The following LDLRAD1 variants were observed in gnomAD, a reference collection of about 807,000 sequenced individuals.
The protein encoded by LDLRAD1 is low-density lipoprotein receptor class A domain-containing protein 1.
LDLRAD1 carries 17 observed loss-of-function variants against 24.8 expected under a neutral mutation model. The observed-to-expected ratio is 0.69, with a 90% CI of 0.47 to 1.03. LDLRAD1 has a LOEUF of 1.03. LDLRAD1 is among the 50% of genes least tolerant of loss of function. The probability of loss-of-function intolerance (pLI) is 0.00; values close to 1 mark genes in which losing one functional copy is unlikely to be tolerated. For synonymous variants in LDLRAD1, 103 were observed against 108.2 expected, an observed-to-expected ratio of 0.95 and a Z score of 0.30; for missense variants, 277 against 271.0, an observed-to-expected ratio of 1.02 and a Z score of -0.16.
intron 4 of LDLRAD1, among the ~76,000 whole-genome samples, chr1:54,011,162 G>A (rs1656033597): frequency 6.6e-6 from 1 of 152,174 alleles, no homozygotes; most frequent in African/African-American, 2.4e-5. Flanking sequence ...TGGAGAAGGG[G>A]ATGTGGCGTA....
At chr1:54,009,459 C>T (rs1655958450) in intron 5 of LDLRAD1, among the ~76,000 whole-genome samples, 1 of 152,162 alleles carries the variant, frequency 6.6e-6, no homozygotes, top group East Asian at 1.9e-4. Context: ...CAGCTATGCT[C>T]ACCTGCCATG....
chr1:54,014,316 G>A lies in LDLRAD1; in HGVS notation c.122C>T (p.Ala41Val). 1.3e-6 allele frequency: 2 copies of A among 1,549,700 alleles called. No homozygotes were observed. The highest frequency in any genetic ancestry group is 8.7e-7 in the Non-Finnish European group (1 of 1,146,762). Reference sequence around the variant, plus strand: ...AGTTGCCAGGAGGAGCAGCAGAGAGGCAGAGAGGCAGGCCCCGCGACGTGA... The same window carrying A: ...AGTTGCCAGGAGGAGCAGCAGAGAGACAGAGAGGCAGGCCCCGCGACGTGA... Reference protein sequence around the residue: ...CCSRRGACLSASLLLLLATVA... With the variant: ...CCSRRGACLSVSLLLLLATVA... The change falls in exon 3 of 6, where the codon GCC becomes GTC. Residue 41 changes from alanine to valine, a missense_variant. Transcript: ENST00000371360.
At chr1:54,011,622 G>T (rs1203448245) in intron 4 of LDLRAD1, among the ~76,000 whole-genome samples, 1 of 152,164 alleles carries the variant, frequency 6.6e-6, no homozygotes, top group Non-Finnish European at 1.5e-5. Flanking sequence ...AAGGTCTGGG[G>T]CCAGGTCTTC....
intron 1 of LDLRAD1, among the ~76,000 whole-genome samples, 185 bp from the exon 2 acceptor site, chr1:54,017,612 G>T (rs566547173): frequency 6.6e-6 from 1 of 152,266 alleles, no homozygotes; most frequent in East Asian, 1.9e-4. Flanking sequence ...ACCTTTGCCT[G>T]CACTGTGCCC....
In LDLRAD1 at chr1:54,017,284, G is replaced by A. The variant is rs192221796; in HGVS notation, c.73+92C>T. ...GGAGGCAGAGGTCTGAGGGACAGTG[G>A]GAGCCTTGAACCCTCCTCATGTCTC... On this transcript the variant is annotated intron_variant, in intron 2 of 5. Transcript: ENST00000371360. 3.8e-4 allele frequency: 390 copies of A among 1,021,710 alleles called. 1 individual carries two copies. In the African/African-American group the frequency reaches 5.2e-3, roughly 14 times the overall value. The allele number at this position is 1,021,710 out of a possible 1,614,324, so 63.3% of individuals were successfully genotyped here.
intron 2 of LDLRAD1, 74 bp downstream of exon 2, chr1:54,017,302 C>A: frequency 3.2e-6 from 4 of 1,268,086 alleles, no homozygotes; most frequent in Non-Finnish European, 3.4e-6. Flanking sequence ...GAACCCTCCT[C>A]ATGTCTCTAT....
At position 54,015,758 on chromosome 1, in the gene LDLRAD1, C is replaced by T. The variant is rs927428377; in HGVS notation, c.74-1394G>A. Among the ~76,000 whole-genome samples, 77 of 151,506 alleles carry T rather than the reference C, an allele frequency of 5.1e-4. 1 individual carries two copies. Among genetic ancestry groups the T allele is most frequent in the Non-Finnish European group, 4.1e-4 (28 of 67,954 alleles). On this transcript the variant is annotated intron_variant, in intron 2 of 5. Transcript: ENST00000371360. Reference sequence around the variant, plus strand: ...GCAACCTCTGCCTTCTGGGTTCAAGCGATTCTCCTGCCTCAGCCTCCCGAG... The same window carrying T: ...GCAACCTCTGCCTTCTGGGTTCAAGTGATTCTCCTGCCTCAGCCTCCCGAG...
chr1:54,009,749 G>T (rs541137480), intron 5 of LDLRAD1, among the ~76,000 whole-genome samples: 1 of 152,302 alleles, frequency 6.6e-6, no homozygotes, highest in African/African-American at 2.4e-5. Context: ...CTCAGAACAT[G>T]TTTGTTGATT....
Position 54,010,264 on chromosome 1 carries a change from C to T in LDLRAD1, c.469+18G>A, listed in dbSNP as rs1655989673. 4.3e-6 allele frequency: 7 copies of T among 1,613,658 alleles called. No individual in the cohort carries two copies. Among genetic ancestry groups the T allele is most frequent in the Non-Finnish European group, 5.9e-6 (7 of 1,179,766 alleles). ...GCCTGGACACCAGCCCCAGCCCAGCCTGTGCCCAGACCCCTACCTGGGCTC... is the reference window on the plus strand; with the variant it reads ...GCCTGGACACCAGCCCCAGCCCAGCTTGTGCCCAGACCCCTACCTGGGCTC... On this transcript the variant is annotated intron_variant, in intron 5 of 5. Transcript: ENST00000371360.
At chr1:54,011,797 G>A (rs1387584212) in intron 4 of LDLRAD1, among the ~76,000 whole-genome samples, 1 of 152,238 alleles carries the variant, frequency 6.6e-6, no homozygotes, top group Non-Finnish European at 1.5e-5. Context: ...TGTGACAAGG[G>A]CTGGGACACA....
chr1:54,017,273 G>C (rs1656346563), intron 2 of LDLRAD1, 103 bp downstream of exon 2: 1 of 908,692 alleles, frequency 1.1e-6, no homozygotes, highest in Non-Finnish European at 1.7e-6. Context: ...GCAGAGGTCT[G>C]AGGGACAGTG....
At chr1:54,017,567 G>A (rs1036712331) in intron 1 of LDLRAD1, 140 bp from the exon 2 acceptor site, 13 of 698,282 alleles carry the variant, frequency 1.9e-5, no homozygotes, top group African/African-American at 3.5e-5. Context: ...AGCATCTCAC[G>A]CCCCAGATGC....
In LDLRAD1 at chr1:54,012,262, G is replaced by T. The variant is rs1227193539; in HGVS notation, c.221C>A (p.Thr74Lys). The change falls in exon 4 of 6, where the codon ACA (threonine) becomes AAA (lysine). Residue 74 changes from threonine to lysine, a missense_variant. By Grantham distance (78) the Thr-to-Lys change is moderately conservative. Transcript: ENST00000371360. ...SCTPGAQACITLTNRTGFLCH... is the reference protein window; with the variant it reads ...SCTPGAQACIKLTNRTGFLCH... ...CAAGAAGCCTGTCCTGTTTGTCAGT[G>T]TTATACAAGCTTGGGCTCCTGAATG... 6.2e-7 allele frequency: 1 copy of T among 1,614,118 alleles called. No individual in the cohort carries two copies. The highest frequency in any genetic ancestry group is 1.3e-5 in the African/African-American group (1 of 75,058).
Position 54,018,140 on chromosome 1 carries a change from G to A in LDLRAD1, c.-28C>T, listed in dbSNP as rs1656393925. The A allele has an allele frequency of 1.9e-6, 3 of 1,613,322 alleles. No individual in the cohort carries two copies. The highest frequency in any genetic ancestry group is 2.2e-5 in the East Asian group (1 of 44,886). On this transcript the variant is annotated 5_prime_UTR_variant, in exon 1 of 6. Transcript: ENST00000371360. ...CTTCGGTTTCCTGCTGCCCGACTGG[G>A]GCTGTGTGCAGAGAGCTCAGCACGG...
chr1:54,018,141 G>A lies in LDLRAD1; in HGVS notation c.-29C>T. On this transcript the variant is annotated 5_prime_UTR_variant, in exon 1 of 6. Transcript: ENST00000371360. ...TTCGGTTTCCTGCTGCCCGACTGGG[G>A]CTGTGTGCAGAGAGCTCAGCACGGG... The A allele has an allele frequency of 6.2e-7, 1 of 1,613,188 alleles. No individual in the cohort carries two copies. The highest frequency in any genetic ancestry group is 8.5e-7 in the Non-Finnish European group (1 of 1,179,614).
intron 4 of LDLRAD1, 143 bp downstream of exon 4, chr1:54,012,000 G>T: frequency 1.1e-6 from 1 of 926,720 alleles, no homozygotes; most frequent in Non-Finnish European, 1.6e-6. Context: ...CTGGGACCAG[G>T]TCGGGGCAGG....
chr1:54,014,851 C>G (rs1375642467), intron 2 of LDLRAD1, among the ~76,000 whole-genome samples: 1 of 152,188 alleles, frequency 6.6e-6, no homozygotes, highest in African/African-American at 2.4e-5. Flanking sequence ...TGCCAAAACC[C>G]GTGCCCTTTC....
rs1655886990 is a variant in LDLRAD1 at position 54,008,039 on chromosome 1, ACTGGG to A, written c.*938_*942del. On this transcript the variant is annotated 3_prime_UTR_variant, in exon 6 of 6. Transcript: ENST00000371360. ...AAAATATAGTCCCTACTTCCAGAAA[ACTGGG>A]CTGTTTAGGCGGGCAGCTGGGCATA... 6.6e-6 allele frequency: 1 copy of A among 152,186 alleles called. No homozygotes were observed. The highest frequency in any genetic ancestry group is 2.4e-5 in the African/African-American group (1 of 41,400). The allele number at this position is 152,186 out of a possible 1,614,324, so 9.4% of individuals were successfully genotyped here.
In LDLRAD1 at chr1:54,009,055, G is replaced by A. The variant is rs1490005952; in HGVS notation, c.545C>T (p.Pro182Leu). 6.8e-6 allele frequency: 11 copies of A among 1,613,892 alleles called. No homozygotes were observed. The highest frequency in any genetic ancestry group is 1.6e-4 in the Middle Eastern group (1 of 6,082). ...STFFKYCDCI[P>L]RHLCRDHVQH... ...TACATGGTCGCGGCAGAGATGCCTC[G>A]GTATACAGTCGCAGTACTTGAAGAA... Residue 182 changes from proline to leucine, a missense_variant, in exon 6 of 6, where the codon CCG becomes CTG. By Grantham distance (98) the Pro-to-Leu change is moderately conservative (BLOSUM62 -3). Coordinates refer to ENST00000371360, the MANE Select transcript of LDLRAD1 (RefSeq NM_001010978.4).
Sources: gnomAD v4.1 joint callset for allele counts (sites outside exome capture counted in the v4.1 genomes callset) on GRCh38, gnomAD v4.1.1 for gene constraint, MANE v1.5 for transcripts, NCBI Gene and HGNC (gene_info 2026-07-23, HGNC 2026-07-21) for gene names.